Variants in ST6GAL1 observed in about 807,000 individuals in gnomAD.
ST6GAL1 encodes the protein ST6 beta-galactoside alpha-2,6-sialyltransferase 1, also known as beta-galactoside alpha-2,6-sialyltransferase 1.
ST6GAL1 carries 20 observed loss-of-function variants against 38.0 expected under a neutral mutation model. That is an observed-to-expected ratio of 0.53 (90% CI 0.37 to 0.77). The LOEUF (loss-of-function observed/expected upper bound fraction) is 0.77, where lower values mean the gene tolerates loss of function less well. Among genes scored for constraint, ST6GAL1 ranks in the 30% least tolerant of loss-of-function variants. ST6GAL1 has a pLI of 0.00. For synonymous variants in ST6GAL1, 196 were observed against 188.2 expected, an observed-to-expected ratio of 1.04 and a Z score of -0.34; for missense variants, 432 against 496.4, an observed-to-expected ratio of 0.87 and a Z score of 1.23.
At chr3:186,974,088 G>A (rs545059913) in intron 2 of ST6GAL1, among the ~76,000 whole-genome samples, 5 of 152,338 alleles carry the variant, frequency 3.3e-5, no homozygotes, top group African/African-American at 1.2e-4. Context: ...ATACTTCCTC[G>A]GGAAAGTGAT....
In ST6GAL1 at chr3:186,952,445, T is replaced by C. The variant is rs1159317113; in HGVS notation, c.-324-11340T>C. ...ACATCACTGTCTTTGCTTTTCCTCT[T>C]CTCTCACTAGGTTCTCCTTCTCAGT... is the stretch of plus-strand genomic sequence containing the variant. On this transcript the variant is annotated intron_variant, in intron 1 of 7. Transcript: ENST00000169298. This position sits in a 1 kb window ranked among gnomAD's most constrained non-coding sequence, Gnocchi z 4.1. 6.6e-6 allele frequency among the ~76,000 whole-genome samples: 1 copy of C among 152,168 alleles called. No homozygotes were observed. Among genetic ancestry groups the C allele is most frequent in the Non-Finnish European group, 1.5e-5 (1 of 68,028 alleles).
At chr3:187,000,815 TTC>T (rs1716593502) in intron 2 of ST6GAL1, among the ~76,000 whole-genome samples, 2 of 152,262 alleles carry the variant, frequency 1.3e-5, no homozygotes, top group Non-Finnish European at 2.9e-5. Context: ...AAGGTTTCAC[TTC>T]TGTTTTCCCA....
intron 2 of ST6GAL1, among the ~76,000 whole-genome samples, chr3:187,034,838 C>T (rs1379930459): frequency 1.3e-5 from 2 of 152,170 alleles, no homozygotes; most frequent in Non-Finnish European, 2.9e-5. Context: ...TCCTTGAGAA[C>T]TGAAACAAGA....
At chr3:187,065,812 T>C (rs1719086387) in intron 5 of ST6GAL1, among the ~76,000 whole-genome samples, 1 of 152,292 alleles carries the variant, frequency 6.6e-6, no homozygotes, top group Non-Finnish European at 1.5e-5. Flanking sequence ...TTAAATATAT[T>C]ATATATACCA....
intron 2 of ST6GAL1, among the ~76,000 whole-genome samples, chr3:187,012,781 C>A (rs1716999122): frequency 6.6e-6 from 1 of 152,204 alleles, no homozygotes; most frequent in South Asian, 2.1e-4. Flanking sequence ...TTTTCTTCCC[C>A]TGAGCACATT....
At chr3:187,003,530 C>T (rs1343779840) in intron 2 of ST6GAL1, among the ~76,000 whole-genome samples, 1 of 152,122 alleles carries the variant, frequency 6.6e-6, no homozygotes, top group Non-Finnish European at 1.5e-5. Flanking sequence ...GGTATATATC[C>T]TCCATTTATT....
In ST6GAL1 at chr3:187,075,624, C is replaced by T. The variant is rs746386986; in HGVS notation, c.1042C>T (p.Arg348Cys). 9 of 1,614,146 alleles carry T rather than the reference C, an allele frequency of 5.6e-6. No individual in the cohort carries two copies. The highest frequency in any genetic ancestry group is 1.1e-5 in the South Asian group (1 of 91,076). Residue 348 changes from arginine to cysteine, a missense_variant, in exon 8 of 8, where the codon CGC (arginine) becomes TGC (cysteine). By Grantham distance (180) the Arg-to-Cys change is radical. Transcript: ENST00000169298. This position sits in a 1 kb window ranked among gnomAD's most constrained non-coding sequence, Gnocchi z 4.1. ...VDIYEFLPSK[R>C]KTDVCYYYQK... ...TATTTATGAGTTCCTCCCATCCAAG[C>T]GCAAGACTGACGTGTGCTACTACTA...
At chr3:186,993,842 A>G (rs1716267053) in intron 2 of ST6GAL1, among the ~76,000 whole-genome samples, 1 of 152,158 alleles carries the variant, frequency 6.6e-6, no homozygotes, top group South Asian at 2.1e-4. Flanking sequence ...ATTTACAATA[A>G]AAGAGAAAAC....
chr3:187,042,626 T>A (rs1249345040), intron 3 of ST6GAL1, 28 bp from the exon 4 acceptor site: 13 of 1,524,592 alleles, frequency 8.5e-6, no homozygotes, highest in Non-Finnish European at 1.1e-5. Context: ...TTTACATCAT[T>A]TGTTTTTCCT....
In ST6GAL1 at chr3:187,076,886, G is replaced by C. The variant is rs551456432; in HGVS notation, c.*1083G>C. On this transcript the variant is annotated 3_prime_UTR_variant, in exon 8 of 8. Coordinates refer to ENST00000169298, the MANE Select transcript of ST6GAL1 (RefSeq NM_173216.2). Reference sequence around the variant, plus strand: ...ACGTGATTCCTCCAGGCTCTGCCTGGCCTGACCCTGTCCTGTCAGCTGGGT... The same window carrying C: ...ACGTGATTCCTCCAGGCTCTGCCTGCCCTGACCCTGTCCTGTCAGCTGGGT... 2.5e-6 allele frequency: 1 copy of C among 398,708 alleles called. No homozygotes were observed. 24.7% of individuals were successfully genotyped at this position (398,708 alleles called of 1,614,324 possible). A position where few individuals can be genotyped will look rare whatever the true frequency, so the allele number is the denominator to read the frequency against.
At chr3:187,034,144 G>C (rs1717848680) in intron 2 of ST6GAL1, among the ~76,000 whole-genome samples, 1 of 151,998 alleles carries the variant, frequency 6.6e-6, no homozygotes, top group Non-Finnish European at 1.5e-5. Context: ...TTCACACAAA[G>C]TAGAAAATCT....
chr3:187,049,391 C>G (rs1169359485), intron 4 of ST6GAL1, among the ~76,000 whole-genome samples: 1 of 152,158 alleles, frequency 6.6e-6, no homozygotes, highest in African/African-American at 2.4e-5. Context: ...GCCAGGAGGC[C>G]GTCCCAGTCT....
Position 187,066,915 on chromosome 3 carries a change from A to G in ST6GAL1, c.706-5934A>G, listed in dbSNP as rs76749801. Among the ~76,000 whole-genome samples the G allele has an allele frequency of 5.4e-3, 818 of 152,118 alleles. 10 individuals are homozygous for G. Among genetic ancestry groups the G allele is most frequent in the African/African-American group, 0.019 (779 of 41,484 alleles). On this transcript the variant is annotated intron_variant, in intron 5 of 7. Transcript: ENST00000169298. ...TCTTCCAGGAACAGCTGGTCCCCTC[A>G]GCAGGGCCTTACAAGGTGGTTATGT...
intron 2 of ST6GAL1, among the ~76,000 whole-genome samples, chr3:187,004,710 T>A (rs542403019): frequency 6.6e-6 from 1 of 152,350 alleles, no homozygotes; most frequent in Non-Finnish European, 1.5e-5. Context: ...ATATGTGACA[T>A]CCCAGAGAGA....
chr3:187,071,749 G>T (rs1384153543), intron 5 of ST6GAL1, among the ~76,000 whole-genome samples: 1 of 133,856 alleles, frequency 7.5e-6, no homozygotes, highest in Non-Finnish European at 1.5e-5. Context: ...GACACAGGCT[G>T]TGTCGCCTTT....
At position 187,030,176 on chromosome 3, in the gene ST6GAL1, C is replaced by T. The variant is rs139524785; in HGVS notation, c.-182-8566C>T. 3.0e-3 allele frequency among the ~76,000 whole-genome samples: 451 copies of T among 152,192 alleles called. 4 individuals carry two copies. The highest frequency in any genetic ancestry group is 0.022 in the East Asian group (114 of 5,174). ...TGTTGGAGCTAAAATATTCAGGCAA[C>T]GAAGCACGGTATTTTGGGTGGGGGA... On this transcript the variant is annotated intron_variant, in intron 2 of 7. Coordinates refer to ENST00000169298, the MANE Select transcript of ST6GAL1 (RefSeq NM_173216.2).
chr3:186,959,735 C>T (rs536581780), intron 1 of ST6GAL1, among the ~76,000 whole-genome samples: 2 of 152,220 alleles, frequency 1.3e-5, no homozygotes, highest in Non-Finnish European at 2.9e-5. Flanking sequence ...TCTGATTTGA[C>T]TGCTGTGTTC....
At chr3:187,047,355 T>G (rs1287982445) in intron 4 of ST6GAL1, among the ~76,000 whole-genome samples, 1 of 152,132 alleles carries the variant, frequency 6.6e-6, no homozygotes, top group East Asian at 1.9e-4. Context: ...TAGGCTAACT[T>G]GAAAATATAA....
intron 2 of ST6GAL1, among the ~76,000 whole-genome samples, chr3:186,984,838 TCCC>T (rs1715848010): frequency 1.4e-5 from 1 of 73,112 alleles, no homozygotes; most frequent in Non-Finnish European, 2.8e-5. Flanking sequence ...CCTCCCTCCC[TCCC>T]TCCCTCCTTC....
Sources: allele counts gnomAD v4.1 joint callset (sites outside exome capture counted in the v4.1 genomes callset), GRCh38; gene constraint gnomAD v4.1.1; non-coding constraint Gnocchi (gnomAD v3.1); transcripts MANE v1.5; gene names NCBI Gene and HGNC (gene_info 2026-07-23, HGNC 2026-07-21).